Variants in TOPAZ1 observed in about 807,000 individuals in gnomAD.
TOPAZ1 encodes the protein testis and ovary specific TOPAZ 1, also known as protein TOPAZ1.
A neutral mutation model predicts 172.2 loss-of-function variants in TOPAZ1; 66 were observed. That is an observed-to-expected ratio of 0.38 (90% CI 0.31 to 0.47). The LOEUF is 0.47. TOPAZ1 is among the 20% of genes least tolerant of loss of function. The pLI is 0.99. For synonymous variants in TOPAZ1, 681 were observed against 683.9 expected (o/e 1.00, Z 0.07); for missense variants, 1,822 against 1,972.4 (o/e 0.92, Z 1.44).
chr3:44,257,291 G>A (rs1575707918), intron 4 of TOPAZ1, among the ~76,000 whole-genome samples: 3 of 151,106 alleles, frequency 2.0e-5, no homozygotes, highest in South Asian at 4.2e-4. Flanking sequence ...AGCCATGTTC[G>A]GGCCACTGCA....
At chr3:44,334,676 C>T (rs990864255), downstream of TOPAZ1, among the ~76,000 whole-genome samples, 1 of 152,130 alleles carries the variant, frequency 6.6e-6, no homozygotes, top group African/African-American at 2.4e-5. Context: ...TTTTTGGGAA[C>T]CAATTAGTAA....
At position 44,244,330 on chromosome 3, in the gene TOPAZ1, A is replaced by G. The variant is rs909584717; in HGVS notation, c.1824A>G (p.Val608=). ...SEELSRRGSE[V]ISNTTEDTQL... is the part of the protein sequence containing the mutation. ...AACTGAGCAGAAGAGGGTCAGAGGT[A>G]ATTTCTAACACTACTGAAGATACTC... is the stretch of plus-strand genomic sequence containing the variant. Residue 608 remains valine (V), a synonymous_variant, in exon 2 of 20, where the codon GTA becomes GTG. Transcript: ENST00000309765. The G allele has an allele frequency of 6.6e-5, 102 of 1,550,578 alleles. No individual in the cohort carries two copies. Among genetic ancestry groups the G allele is most frequent in the East Asian group, 1.2e-4 (5 of 40,908 alleles).
intron 12 of TOPAZ1, among the ~76,000 whole-genome samples, chr3:44,301,830 T>G (rs6771164): frequency 1.6e-4 from 24 of 152,242 alleles, no homozygotes; most frequent in African/African-American, 3.9e-4. Flanking sequence ...CCTTCTGGTG[T>G]TTTTTACCAT....
intron 12 of TOPAZ1, among the ~76,000 whole-genome samples, chr3:44,295,998 A>T (rs997579454): frequency 6.6e-6 from 1 of 152,318 alleles, no homozygotes; most frequent in African/African-American, 2.4e-5. Context: ...AATTTAAAAC[A>T]ATTAAAACTA....
Position 44,262,171 on chromosome 3 carries a change from A to G in TOPAZ1, c.2956-248A>G, listed in dbSNP as rs547084668. Among the ~76,000 whole-genome samples, 6 of 152,292 alleles carry G rather than the reference A, an allele frequency of 3.9e-5. No homozygotes were observed. The South Asian group carries it at 1.2e-3, about 32-fold the overall frequency. On this transcript the variant is annotated intron_variant, in intron 4 of 19. Transcript: ENST00000309765. ...ATTTGAAATAGCAACTTGGGTAATT[A>G]AAGGGGATATCAAAACCTGGACAAA...
intron 16 of TOPAZ1, among the ~76,000 whole-genome samples, chr3:44,312,580 A>C (rs1240116131): frequency 1.3e-5 from 2 of 152,190 alleles, no homozygotes; most frequent in Admixed American, 1.3e-4. Flanking sequence ...TGATGGCGAG[A>C]ACAAATCTAT....
chr3:44,325,195 CAAG>C (rs1295279751), intron 18 of TOPAZ1, among the ~76,000 whole-genome samples: 1 of 152,184 alleles, frequency 6.6e-6, no homozygotes. Context: ...TTAACCCTTG[CAAG>C]AAGAGCCTTT....
chr3:44,262,353 C>A (rs539122147), intron 4 of TOPAZ1, 66 bp from the exon 5 acceptor site: 3 of 737,702 alleles, frequency 4.1e-6, no homozygotes, highest in South Asian at 2.4e-5. Context: ...ATCCAGTAAG[C>A]CTCATAGCTT....
At chr3:44,328,526 T>A in intron 19 of TOPAZ1, 93 bp downstream of exon 19, 3 of 592,162 alleles carry the variant, frequency 5.1e-6, no homozygotes, top group Non-Finnish European at 8.2e-6. Context: ...TTTTTATACA[T>A]ACATATATAT....
intron 11 of TOPAZ1, among the ~76,000 whole-genome samples, chr3:44,288,152 G>A (rs1001751562): frequency 1.3e-5 from 2 of 151,928 alleles, no homozygotes; most frequent in Non-Finnish European, 2.9e-5. Context: ...ATTTACAACA[G>A]AAATAAACAA....
chr3:44,292,829 G>A (rs1238890001), intron 12 of TOPAZ1, among the ~76,000 whole-genome samples: 2 of 152,158 alleles, frequency 1.3e-5, no homozygotes, highest in African/African-American at 4.8e-5. Context: ...TTTGAAATAT[G>A]CTATACATTT....
At chr3:44,302,370 A>G (rs1173119250) in intron 12 of TOPAZ1, among the ~76,000 whole-genome samples, 2 of 152,342 alleles carry the variant, frequency 1.3e-5, no homozygotes, top group South Asian at 2.1e-4. Flanking sequence ...AGATAGCACC[A>G]CTGCACTCCA....
At chr3:44,266,284 G>T (rs1353851516) in intron 5 of TOPAZ1, among the ~76,000 whole-genome samples, 3 of 152,164 alleles carry the variant, frequency 2.0e-5, no homozygotes, top group African/African-American at 7.2e-5. Flanking sequence ...CATTTCCGCA[G>T]TAAGACTGTT....
In TOPAZ1 at chr3:44,328,830, A is replaced by ACCATTGAAAATAAAG. The variant is rs1401685623; in HGVS notation, c.4859+402_4859+416dup. Among the ~76,000 whole-genome samples the ACCATTGAAAATAAAG allele has an allele frequency of 3.9e-5, 6 of 152,340 alleles. No individual in the cohort carries two copies. In the South Asian group the frequency reaches 1.2e-3, roughly 32 times the overall value. ...GGGAAATACGTGATCAGCCAAGAAT[A>ACCATTGAAAATAAAG]CCATTGAAAATAAAGCCATCAGCCT... On this transcript the variant is annotated intron_variant, in intron 19 of 19. Transcript: ENST00000309765.
chr3:44,295,094 AG>A (rs1274363910), intron 12 of TOPAZ1, among the ~76,000 whole-genome samples: 1 of 152,146 alleles, frequency 6.6e-6, no homozygotes, highest in Non-Finnish European at 1.5e-5. Flanking sequence ...AACGTTTTTT[AG>A]AATTCCATTC....
intron 4 of TOPAZ1, among the ~76,000 whole-genome samples, chr3:44,259,869 G>A (rs892579441): frequency 6.6e-6 from 1 of 152,126 alleles, no homozygotes; most frequent in Non-Finnish European, 1.5e-5. Flanking sequence ...TGAACTTGCT[G>A]TGTATGTCCT....
chr3:44,315,581 A>C (rs964243609), intron 16 of TOPAZ1, among the ~76,000 whole-genome samples: 1 of 145,356 alleles, frequency 6.9e-6, no homozygotes, highest in Non-Finnish European at 1.5e-5. Context: ...CATGTTGGTC[A>C]GGCTGGTCTC....
At chr3:44,255,651 CAA>C (rs10663255) in intron 3 of TOPAZ1, among the ~76,000 whole-genome samples, 10 of 86,250 alleles carry the variant, frequency 1.2e-4, no homozygotes, top group South Asian at 5.3e-4. Flanking sequence ...GACTCTGTCT[CAA>C]AAAAAAAAAA....
At chr3:44,273,588 T>C (rs1481893202) in intron 8 of TOPAZ1, among the ~76,000 whole-genome samples, 3 of 152,194 alleles carry the variant, frequency 2.0e-5, no homozygotes, top group South Asian at 4.1e-4. Context: ...CACTTGTCAG[T>C]GTATTTGTCA....
Sources: allele counts gnomAD v4.1 joint callset (sites outside exome capture counted in the v4.1 genomes callset), GRCh38; gene constraint gnomAD v4.1.1; transcripts MANE v1.5; gene names NCBI Gene and HGNC (gene_info 2026-07-23, HGNC 2026-07-21).